EYS: variants seen among roughly 807,000 people sequenced by gnomAD.
The protein encoded by EYS is EGF-like photoreceptor maintenance factor.
EYS carries 250 observed loss-of-function variants against 282.1 expected under a neutral mutation model. The observed-to-expected ratio is 0.89, with a 90% CI of 0.80 to 0.98. The LOEUF (loss-of-function observed/expected upper bound fraction) is 0.98, where lower values mean the gene tolerates loss of function less well. Ranked by LOEUF, EYS falls within the 50% of genes least tolerant of loss-of-function variation. The probability of loss-of-function intolerance (pLI) is 0.00; values close to 1 mark genes in which losing one functional copy is unlikely to be tolerated. For synonymous variants in EYS, 1,355 were observed against 1,282.9 expected, an observed-to-expected ratio of 1.06 and a Z score of -1.20; for missense variants, 4,016 against 3,709.0, an observed-to-expected ratio of 1.08 and a Z score of -2.15.
rs1157745610 is a variant in EYS at position 63,874,387 on chromosome 6, TG to T, written c.7056-10030del. On this transcript the variant is annotated intron_variant, in intron 35 of 42. Transcript: ENST00000503581. Reference sequence around the variant, plus strand: ...TTTGGTACCAGTACCATGCTGTTTTTGTTACCATAGCCTTGTAGTACCGTTT... The same window carrying T: ...TTTGGTACCAGTACCATGCTGTTTTTTTACCATAGCCTTGTAGTACCGTTT... 1.2e-4 allele frequency among the ~76,000 whole-genome samples: 18 copies of T among 152,282 alleles called. No individual in the cohort carries two copies. The East Asian group carries it at 3.5e-3, about 29-fold the overall frequency.
intron 1 of EYS, among the ~76,000 whole-genome samples, chr6:65,663,608 C>T (rs1768082044): frequency 6.6e-6 from 1 of 152,176 alleles, no homozygotes; most frequent in Non-Finnish European, 1.5e-5. Flanking sequence ...ATGCATCTGT[C>T]ATGGTTTGGA....
At chr6:64,807,085 T>C (rs1366429486) in intron 22 of EYS, among the ~76,000 whole-genome samples, 3 of 152,168 alleles carry the variant, frequency 2.0e-5, no homozygotes, top group Non-Finnish European at 1.5e-5. Flanking sequence ...ATAATACTTA[T>C]GGATTTCTGA....
intron 30 of EYS, among the ~76,000 whole-genome samples, chr6:64,304,287 T>C (rs112090130): frequency 2.3e-4 from 35 of 152,224 alleles, no homozygotes; most frequent in African/African-American, 7.2e-4. Flanking sequence ...TATCAAAATA[T>C]ATGAAGCAAA....
At chr6:63,786,607 T>C (rs1400296481) in intron 39 of EYS, among the ~76,000 whole-genome samples, 1 of 151,758 alleles carries the variant, frequency 6.6e-6, no homozygotes, top group Non-Finnish European at 1.5e-5. Flanking sequence ...ACCTAGATGA[T>C]GGGTTGATGA....
chr6:65,000,890 C>G (rs1771441321), intron 13 of EYS, among the ~76,000 whole-genome samples: 1 of 152,220 alleles, frequency 6.6e-6, no homozygotes, highest in Non-Finnish European at 1.5e-5. Context: ...CATATATTGT[C>G]CTGTAATAAA....
chr6:65,663,628 A>G lies in EYS; in HGVS notation c.-447-23736T>C, dbSNP rs143583846. 3.4e-3 allele frequency among the ~76,000 whole-genome samples: 521 copies of G among 152,338 alleles called. 3 individuals carry two copies. The highest frequency in any genetic ancestry group is 0.025 in the South Asian group (122 of 4,828). On this transcript the variant is annotated intron_variant, in intron 1 of 42. Transcript: ENST00000503581. ...TCTGTCATGGTTTGGATCATGGTAC[A>G]AAAGCAAGTTAAACTTATGTAGATA...
intron 31 of EYS, among the ~76,000 whole-genome samples, chr6:64,181,366 T>C (rs1764783291): frequency 6.6e-6 from 1 of 152,092 alleles, no homozygotes; most frequent in South Asian, 2.1e-4. Flanking sequence ...AAAAGCAGAT[T>C]ATATGCTCTA....
intron 26 of EYS, among the ~76,000 whole-genome samples, chr6:64,574,227 G>A (rs1765811346): frequency 6.6e-6 from 1 of 152,082 alleles, no homozygotes; most frequent in Non-Finnish European, 1.5e-5. Context: ...GTTGAACAAT[G>A]GGAACACAGG....
chr6:65,589,429 TA>T lies in EYS; in HGVS notation c.-333+50348del, dbSNP rs1423919012. Among the ~76,000 whole-genome samples, 4 of 152,034 alleles carry T rather than the reference TA, an allele frequency of 2.6e-5. No individual in the cohort carries two copies. In the East Asian group the frequency reaches 5.8e-4, roughly 22 times the overall value. ...TTTACTTCTATTTCAATATCTATTT[TA>T]AATACTTTCTCCTTCTAATGATTAC... On this transcript the variant is annotated intron_variant, in intron 2 of 42. Coordinates refer to ENST00000503581, the MANE Select transcript of EYS (RefSeq NM_001142800.2).
At chr6:65,326,878 T>C (rs59339689) in intron 11 of EYS, among the ~76,000 whole-genome samples, 6,988 of 151,784 alleles carry the variant, frequency 0.046, 224 homozygotes, top group South Asian at 0.079. Context: ...ATCTATACAT[T>C]TCTTACAAAG....
chr6:64,667,821 AATGCTCTACAAGCAG>A (rs1562123199), intron 22 of EYS, among the ~76,000 whole-genome samples: 1 of 152,176 alleles, frequency 6.6e-6, no homozygotes, highest in Non-Finnish European at 1.5e-5. Context: ...GATAATAAAA[AATGCTCTACAAGCAG>A]GTAGAGGAGT....
In EYS at chr6:64,338,064, T is replaced by A. The variant is rs995126976; in HGVS notation, c.6079-30982A>T. Among the ~76,000 whole-genome samples, 5 of 151,936 alleles carry A rather than the reference T, an allele frequency of 3.3e-5. No homozygotes were observed. In the East Asian group the frequency reaches 9.7e-4, roughly 29 times the overall value. On this transcript the variant is annotated intron_variant, in intron 29 of 42. Transcript: ENST00000503581. ...AGTTGAAAACATTCTCTCTGAGAAC[T>A]GGAACAAGACAAGGATACCCACTCT...
At chr6:64,490,724 A>C (rs988978131) in intron 26 of EYS, among the ~76,000 whole-genome samples, 1 of 150,868 alleles carries the variant, frequency 6.6e-6, no homozygotes, top group Non-Finnish European at 1.5e-5. Context: ...AAGCAAAGGA[A>C]CTTTTTAAAT....
chr6:65,347,817 C>T (rs571680021), intron 9 of EYS, among the ~76,000 whole-genome samples: 13 of 151,590 alleles, frequency 8.6e-5, no homozygotes, highest in African/African-American at 2.9e-4. Flanking sequence ...GATACTAGAT[C>T]TTACTAATTA....
At chr6:65,673,811 G>A (rs962660590) in intron 1 of EYS, among the ~76,000 whole-genome samples, 3 of 152,082 alleles carry the variant, frequency 2.0e-5, no homozygotes, top group East Asian at 3.9e-4. Flanking sequence ...AACCGCGGTG[G>A]CCTTTTCAGA....
At chr6:64,977,286 T>G (rs560706472) in intron 14 of EYS, among the ~76,000 whole-genome samples, 18 of 152,110 alleles carry the variant, frequency 1.2e-4, no homozygotes, top group Non-Finnish European at 2.2e-4. Context: ...TTCATTATTA[T>G]ATGTGTTATG....
chr6:65,683,907 C>CT (rs1441525614), intron 1 of EYS, among the ~76,000 whole-genome samples: 1 of 151,974 alleles, frequency 6.6e-6, no homozygotes, highest in African/African-American at 2.4e-5. Flanking sequence ...TGCAAATGGA[C>CT]TATACTGTGT....
intron 29 of EYS, among the ~76,000 whole-genome samples, chr6:64,363,932 A>C (rs1367946452): frequency 1.3e-5 from 2 of 151,958 alleles, no homozygotes; most frequent in African/African-American, 2.4e-5. Flanking sequence ...ATATTTATAC[A>C]TTCTTTCCTC....
intron 1 of EYS, among the ~76,000 whole-genome samples, chr6:65,686,687 A>G (rs1247044930): frequency 1.3e-5 from 2 of 152,134 alleles, no homozygotes; most frequent in Non-Finnish European, 1.5e-5. Context: ...TCCCTTGGGT[A>G]ATGGGTTGTT....
Sources: allele counts gnomAD v4.1 joint callset (sites outside exome capture counted in the v4.1 genomes callset), GRCh38; gene constraint gnomAD v4.1.1; transcripts MANE v1.5; gene names NCBI Gene and HGNC (gene_info 2026-07-23, HGNC 2026-07-21).